The following MLLT10 variants were observed in gnomAD, a reference collection of about 807,000 sequenced individuals.
The protein encoded by MLLT10 is MLLT10 histone lysine methyltransferase DOT1L cofactor, also known as protein AF-10.
A neutral mutation model predicts 129.1 loss-of-function variants in MLLT10; 30 were observed. The ratio of observed to expected loss-of-function variants is 0.23; its 90% CI spans 0.17 to 0.32. The LOEUF is 0.32. MLLT10 is among the 10% of genes least tolerant of loss of function. MLLT10 has a pLI of 1.00. For missense variants in MLLT10, 1,119 were observed against 1,268.3 expected (o/e 0.88, Z 1.79); for synonymous variants, 490 against 446.4 (o/e 1.10, Z -1.23).
At chr10:21,564,116 A>G (rs961219978) in intron 3 of MLLT10, among the ~76,000 whole-genome samples, 10 of 151,740 alleles carry the variant, frequency 6.6e-5, no homozygotes, top group Admixed American at 1.3e-4. Context: ...CCGGCCTATT[A>G]TTATTATTTT....
chr10:21,601,418 C>G (rs1305039165), intron 5 of MLLT10, among the ~76,000 whole-genome samples: 5 of 152,210 alleles, frequency 3.3e-5, no homozygotes, highest in Non-Finnish European at 7.3e-5. Flanking sequence ...GCATTCCAAT[C>G]TAAACTTTTG....
chr10:21,682,262 GT>G lies in MLLT10; in HGVS notation c.1699+9del. The G allele has an allele frequency of 6.2e-7, 1 of 1,608,628 alleles. No homozygotes were observed. The highest frequency in any genetic ancestry group is 8.5e-7 in the Non-Finnish European group (1 of 1,178,104). On this transcript the variant is annotated splice_donor_region_variant and intron_variant, in intron 13 of 22. Coordinates refer to ENST00000307729, the MANE Select transcript of MLLT10 (RefSeq NM_001195626.3). ...TGCTGAATGCAATACACAACGGTAA[GT>G]TTTATTAGAATCTTCTCTAGTGGTT...
chr10:21,613,302 A>T (rs2044855334), intron 6 of MLLT10, among the ~76,000 whole-genome samples: 1 of 152,182 alleles, frequency 6.6e-6, no homozygotes, highest in African/African-American at 2.4e-5. Flanking sequence ...TTCCAAATAA[A>T]AAGTTTGGGA....
At chr10:21,701,058 T>C (rs2054857633) in intron 13 of MLLT10, among the ~76,000 whole-genome samples, 1 of 152,128 alleles carries the variant, frequency 6.6e-6, no homozygotes, top group African/African-American at 2.4e-5. Context: ...TCAGTCTGGG[T>C]AGGTTGTATG....
intron 3 of MLLT10, among the ~76,000 whole-genome samples, chr10:21,585,365 G>A (rs1304140179): frequency 3.9e-5 from 6 of 152,136 alleles, no homozygotes; most frequent in Non-Finnish European, 8.8e-5. Context: ...AGAAGTGGTA[G>A]TACTGGCTCT....
At chr10:21,613,398 G>C (rs993418084) in intron 6 of MLLT10, among the ~76,000 whole-genome samples, 5 of 152,086 alleles carry the variant, frequency 3.3e-5, no homozygotes, top group African/African-American at 1.2e-4. Context: ...TTAGTGTGTA[G>C]TTATATGAAA....
rs562031615 is a variant in MLLT10 at position 21,703,888 on chromosome 10, C to T, written c.1700-9884C>T. Among the ~76,000 whole-genome samples, 303 of 151,780 alleles carry T rather than the reference C, an allele frequency of 2.0e-3. 1 individual carries two copies. Among genetic ancestry groups the T allele is most frequent in the Middle Eastern group, 6.8e-3 (2 of 292 alleles). On this transcript the variant is annotated intron_variant, in intron 13 of 22. Transcript: ENST00000307729. ...TCTAGTATTTTGTTGAGTTGATTTT[C>T]CATATTATTGGTCACTGTGTTTTGA... is the stretch of plus-strand genomic sequence containing the variant.
chr10:21,550,610 C>T (rs1318043490), intron 3 of MLLT10, among the ~76,000 whole-genome samples: 1 of 152,180 alleles, frequency 6.6e-6, no homozygotes, highest in African/African-American at 2.4e-5. Context: ...CAGCTCACTT[C>T]AACCTCCGCC....
intron 21 of MLLT10, 57 bp from the exon 22 acceptor site, chr10:21,739,973 T>C: frequency 7.2e-7 from 1 of 1,393,376 alleles, no homozygotes; most frequent in Non-Finnish European, 9.9e-7. Flanking sequence ...GCAGCTCATC[T>C]GACTGCTGAA....
chr10:21,688,566 A>G, intron 13 of MLLT10: 1 of 1,596,614 alleles, frequency 6.3e-7, no homozygotes, highest in South Asian at 1.1e-5. Flanking sequence ...GCATGGTTCT[A>G]AACATAATAG....
rs2034599268 is a variant in MLLT10 at position 21,539,024 on chromosome 10, T to G, written c.240+112T>G. 6 of 678,118 alleles carry G rather than the reference T, an allele frequency of 8.8e-6. No individual in the cohort carries two copies. In the East Asian group the frequency reaches 1.6e-4, roughly 19 times the overall value. 42.0% of individuals were successfully genotyped at this position (678,118 alleles called of 1,614,324 possible). ...TCAGTCATTTCTTCAAATATCATAATGTAAGAGATAATTTAGGCCAAATAT... is the reference window on the plus strand; with the variant it reads ...TCAGTCATTTCTTCAAATATCATAAGGTAAGAGATAATTTAGGCCAAATAT... On this transcript the variant is annotated intron_variant, in intron 3 of 22. Coordinates refer to ENST00000307729, the MANE Select transcript of MLLT10 (RefSeq NM_001195626.3).
chr10:21,594,093 G>T (rs2042780986), intron 4 of MLLT10, among the ~76,000 whole-genome samples: 1 of 151,906 alleles, frequency 6.6e-6, no homozygotes, highest in African/African-American at 2.4e-5. Flanking sequence ...ATGGTCAGAG[G>T]CCTGGTGTAG....
chr10:21,678,161 G>T (rs1485507478), intron 11 of MLLT10, among the ~76,000 whole-genome samples: 1 of 152,016 alleles, frequency 6.6e-6, no homozygotes, highest in African/African-American at 2.4e-5. Context: ...CTAGAGTGTA[G>T]TGGCCTGATC....
chr10:21,700,156 ATTTC>A (rs2054772888), intron 13 of MLLT10, among the ~76,000 whole-genome samples: 3 of 129,992 alleles, frequency 2.3e-5, no homozygotes, highest in Admixed American at 7.6e-5. Flanking sequence ...TGCTGCCTTG[ATTTC>A]TTTTTTTGCT....
chr10:21,708,332 T>G (rs990886925), intron 13 of MLLT10, among the ~76,000 whole-genome samples: 7 of 152,240 alleles, frequency 4.6e-5, no homozygotes, highest in African/African-American at 1.4e-4. Flanking sequence ...CTCTGTTTAA[T>G]TCAATGAATG....
At chr10:21,665,331 C>T (rs1435612297) in intron 9 of MLLT10, among the ~76,000 whole-genome samples, 2 of 149,034 alleles carry the variant, frequency 1.3e-5, no homozygotes, top group African/African-American at 5.0e-5. Flanking sequence ...TCTTGTTGCC[C>T]AGGCTGGAGT....
At chr10:21,688,696 G>T (rs2053535058) in intron 13 of MLLT10, among the ~76,000 whole-genome samples, 1 of 152,060 alleles carries the variant, frequency 6.6e-6, no homozygotes. Context: ...GGTGGTAGGT[G>T]GGATGAACTA....
intron 3 of MLLT10, chr10:21,556,744 G>C: frequency 1.2e-6 from 2 of 1,610,838 alleles, no homozygotes; most frequent in South Asian, 2.2e-5. Flanking sequence ...GATGCCTGGT[G>C]TCTAACGTTC....
intron 13 of MLLT10, among the ~76,000 whole-genome samples, chr10:21,699,826 G>T (rs1421479423): frequency 6.6e-6 from 1 of 152,106 alleles, no homozygotes; most frequent in Non-Finnish European, 1.5e-5. Flanking sequence ...CTCCAGCTTT[G>T]TTCTTTTGCT....
Sources: allele counts gnomAD v4.1 joint callset (sites outside exome capture counted in the v4.1 genomes callset), GRCh38; gene constraint gnomAD v4.1.1; transcripts MANE v1.5; gene names NCBI Gene and HGNC (gene_info 2026-07-23, HGNC 2026-07-21).